FGF14: variants seen among roughly 807,000 people sequenced by gnomAD.
FGF14 encodes the protein fibroblast growth factor 14.
In FGF14, 5 loss-of-function variants were observed where a neutral mutation model predicts 25.5. That is an observed-to-expected ratio of 0.20 (90% CI 0.10 to 0.41). FGF14 has a LOEUF of 0.41. Ranked by LOEUF, FGF14 falls within the 10% of genes least tolerant of loss-of-function variation. FGF14 has a pLI of 1.00. For missense variants in FGF14, 222 were observed against 320.1 expected (o/e 0.69, Z 2.34); for synonymous variants, 138 against 118.3 (o/e 1.17, Z -1.08).
chr13:101,756,100 G>T (rs556916358), intron 3 of FGF14, among the ~76,000 whole-genome samples: 1 of 152,106 alleles, frequency 6.6e-6, no homozygotes, highest in Non-Finnish European at 1.5e-5. Context: ...TGGAAGAAAG[G>T]TTTCAATTCA....
intron 3 of FGF14, among the ~76,000 whole-genome samples, chr13:101,846,211 A>G (rs2043450860): frequency 1.3e-5 from 2 of 152,016 alleles, no homozygotes; most frequent in Non-Finnish European, 2.9e-5. Flanking sequence ...AAAGGAAAAG[A>G]AAACATGTTT....
chr13:102,368,126 G>A (rs936117897), intron 1 of FGF14: 8 of 152,064 alleles, frequency 5.3e-5, no homozygotes, highest in African/African-American at 1.9e-4. Flanking sequence ...TTGTGTGAGC[G>A]AAAAATAAAC....
chr13:102,067,759 G>C (rs1252865207), intron 1 of FGF14, among the ~76,000 whole-genome samples: 1 of 151,748 alleles, frequency 6.6e-6, no homozygotes, highest in Non-Finnish European at 1.5e-5. Flanking sequence ...GATAGTTACA[G>C]AGAACATCTC....
chr13:101,831,088 G>A (rs1343622497), intron 3 of FGF14, among the ~76,000 whole-genome samples: 1 of 151,952 alleles, frequency 6.6e-6, no homozygotes, highest in Non-Finnish European at 1.5e-5. Flanking sequence ...AACAGTAATA[G>A]GGTACATTTT....
intron 3 of FGF14, among the ~76,000 whole-genome samples, chr13:101,787,708 T>A (rs1307692022): frequency 1.3e-5 from 2 of 152,124 alleles, no homozygotes; most frequent in African/African-American, 4.8e-5. Context: ...CCCCCACCCA[T>A]CCATAGTGGT....
chr13:101,965,925 T>C (rs1447680067), intron 1 of FGF14, among the ~76,000 whole-genome samples: 1 of 152,120 alleles, frequency 6.6e-6, no homozygotes. Context: ...AAATAATTGG[T>C]AATTTTATAC....
At chr13:102,116,151 C>G (rs1237521270) in intron 1 of FGF14, among the ~76,000 whole-genome samples, 1 of 152,052 alleles carries the variant, frequency 6.6e-6, no homozygotes, top group Non-Finnish European at 1.5e-5. Context: ...AAACACAATC[C>G]ACCACTTCAT....
chr13:102,280,571 T>C (rs2053778297), intron 1 of FGF14, among the ~76,000 whole-genome samples: 1 of 152,168 alleles, frequency 6.6e-6, no homozygotes, highest in Non-Finnish European at 1.5e-5. Context: ...AAAATTCCAG[T>C]GTCAGGAATG....
At chr13:102,008,895 G>A (rs3918316) in intron 1 of FGF14, among the ~76,000 whole-genome samples, 58,274 of 151,838 alleles carry the variant, frequency 0.38, 12,115 homozygotes, top group East Asian at 0.72. Context: ...CCTGTTATAC[G>A]ATCTAATTTT....
intron 1 of FGF14, among the ~76,000 whole-genome samples, chr13:102,160,992 C>T (rs1304650400): frequency 6.6e-6 from 1 of 151,884 alleles, no homozygotes; most frequent in South Asian, 2.1e-4. Context: ...TGCATTTCTG[C>T]TTAGAGGATA....
intron 1 of FGF14, among the ~76,000 whole-genome samples, chr13:102,287,971 A>T (rs529623595): frequency 2.6e-4 from 39 of 152,380 alleles, no homozygotes; most frequent in Admixed American, 1.2e-3. Flanking sequence ...ACACAAATGA[A>T]CTAATAATAT....
At chr13:102,093,549 G>A (rs941854593) in intron 1 of FGF14, among the ~76,000 whole-genome samples, 1 of 152,120 alleles carries the variant, frequency 6.6e-6, no homozygotes, top group African/African-American at 2.4e-5. Context: ...CATAACCCTG[G>A]TAAATTACAT....
Position 101,956,768 on chromosome 13 carries a change from C to CAAAAA in FGF14, c.209-81477_209-81473dup, listed in dbSNP as rs372879439. 2.3e-3 allele frequency among the ~76,000 whole-genome samples: 285 copies of CAAAAA among 122,562 alleles called. 1 individual carries two copies. The highest frequency in any genetic ancestry group is 5.2e-3 in the African/African-American group (181 of 35,136). 80.4% of individuals were successfully genotyped at this position (122,562 alleles called of 152,430 possible). ...TATCTTCAGATATTATTCACTTTACCAAAAAAAAAAAAAAAGAAAAAGTAA... is the reference window on the plus strand; with the variant it reads ...TATCTTCAGATATTATTCACTTTACCAAAAAAAAAAAAAAAAAAAAGAAAAAGTAA... On this transcript the variant is annotated intron_variant, in intron 1 of 4. Coordinates refer to the FGF14 transcript ENST00000376131.
intron 1 of FGF14, among the ~76,000 whole-genome samples, chr13:102,313,942 C>T (rs2055894439): frequency 6.6e-6 from 1 of 152,182 alleles, no homozygotes; most frequent in Admixed American, 6.5e-5. Context: ...TTCCATCACT[C>T]AGGCAGAAAA....
At position 102,031,019 on chromosome 13, in the gene FGF14, A is replaced by G. The variant is rs555346475; in HGVS notation, c.209-155723T>C. On this transcript the variant is annotated intron_variant, in intron 1 of 4. Transcript: ENST00000376131. ...GGATGTTTGGCAACAGCTTTATAAC[A>G]TAAGTCAAAATAAAATTGGTTTCCA... Among the ~76,000 whole-genome samples, 385 of 152,240 alleles carry G rather than the reference A, an allele frequency of 2.5e-3. 1 individual carries two copies. Among genetic ancestry groups the G allele is most frequent in the Non-Finnish European group, 4.0e-3 (270 of 67,994 alleles).
intron 3 of FGF14, among the ~76,000 whole-genome samples, chr13:101,842,575 T>A (rs1318343709): frequency 6.6e-6 from 1 of 152,002 alleles, no homozygotes; most frequent in Non-Finnish European, 1.5e-5. Flanking sequence ...TGGGTAGGAA[T>A]GTTCAAACTA....
At chr13:102,037,769 T>TTGCA (rs1249195395) in intron 1 of FGF14, among the ~76,000 whole-genome samples, 1 of 152,176 alleles carries the variant, frequency 6.6e-6, no homozygotes, top group Non-Finnish European at 1.5e-5. Flanking sequence ...TGCAGACCAG[T>TTGCA]ATCCAAGTGG....
chr13:101,912,980 T>C (rs1346526389), intron 1 of FGF14, among the ~76,000 whole-genome samples: 3 of 152,120 alleles, frequency 2.0e-5, no homozygotes, highest in African/African-American at 7.2e-5. Flanking sequence ...CAGCTGAATA[T>C]GTATACTTAA....
chr13:101,870,240 C>A (rs1354380761), intron 2 of FGF14, among the ~76,000 whole-genome samples: 1 of 151,274 alleles, frequency 6.6e-6, no homozygotes, highest in Non-Finnish European at 1.5e-5. Context: ...TGCCATTTGG[C>A]GACTCTCAGT....
Sources: allele counts gnomAD v4.1 joint callset (sites outside exome capture counted in the v4.1 genomes callset), GRCh38; gene constraint gnomAD v4.1.1; transcripts MANE v1.5; gene names NCBI Gene and HGNC (gene_info 2026-07-23, HGNC 2026-07-21).